Variants in HSPA12A observed in about 807,000 individuals in gnomAD.
The protein encoded by HSPA12A is heat shock 70 kDa protein 12A.
HSPA12A carries 28 observed loss-of-function variants against 69.2 expected under a neutral mutation model. The ratio of observed to expected loss-of-function variants is 0.40; its 90% CI spans 0.30 to 0.55. The LOEUF (loss-of-function observed/expected upper bound fraction) is 0.55, where lower values mean the gene tolerates loss of function less well. HSPA12A is among the 20% of genes least tolerant of loss of function. HSPA12A has a pLI of 0.38. For missense variants in HSPA12A, 686 were observed against 900.7 expected (o/e 0.76, Z 3.05); for synonymous variants, 345 against 370.5 (o/e 0.93, Z 0.79).
rs73387518 is a variant in HSPA12A, at chr10:116,838,528, C to G, written c.4-3506G>C. ...GACAACAGCCACAGGACTGGTTTCA[C>G]TTCTGCATGCCCCTTTTTGGTTTAT... is the stretch of plus-strand genomic sequence containing the variant. On this transcript the variant is annotated intron_variant, in intron 1 of 12. Transcript: ENST00000635765. 3.4e-3 allele frequency among the ~76,000 whole-genome samples: 518 copies of G among 152,316 alleles called. 2 individuals are homozygous for G. Among genetic ancestry groups the G allele is most frequent in the African/African-American group, 0.012 (490 of 41,570 alleles).
At chr10:116,772,384 C>G (rs1230220301) in intron 2 of HSPA12A, among the ~76,000 whole-genome samples, 1 of 152,104 alleles carries the variant, frequency 6.6e-6, no homozygotes, top group African/African-American at 2.4e-5. Context: ...CTCCTGGGAC[C>G]AGCAGGGCTG....
intron 1 of HSPA12A, among the ~76,000 whole-genome samples, chr10:116,708,729 C>T (rs1554882767): frequency 6.6e-6 from 1 of 152,148 alleles, no homozygotes; most frequent in Admixed American, 6.5e-5. Context: ...GGGTAAAGGA[C>T]TTGAATAGAC....
chr10:116,763,703 T>C (rs556323693), intron 2 of HSPA12A, among the ~76,000 whole-genome samples: 64 of 152,286 alleles, frequency 4.2e-4, no homozygotes, highest in South Asian at 1.2e-3. Flanking sequence ...CTCTCCCTCA[T>C]GAACAAAATG....
chr10:116,849,092 G>A (rs892593631), intron 1 of HSPA12A, among the ~76,000 whole-genome samples: 2 of 152,178 alleles, frequency 1.3e-5, no homozygotes, highest in African/African-American at 4.8e-5. Flanking sequence ...CCTGGCACGG[G>A]CGGCCTTAGC....
At chr10:116,834,126 T>C (rs957247481) in intron 2 of HSPA12A, among the ~76,000 whole-genome samples, 1 of 152,184 alleles carries the variant, frequency 6.6e-6, no homozygotes, top group African/African-American at 2.4e-5. Flanking sequence ...AGCAAACACC[T>C]GGCTGAGTTG....
chr10:116,740,676 CTGTGTG>C (rs58266278), intron 1 of HSPA12A, among the ~76,000 whole-genome samples: 16 of 92,224 alleles, frequency 1.7e-4, no homozygotes, highest in African/African-American at 4.3e-4. Context: ...GTGTGTGTGT[CTGTGTG>C]TGTGTGTGTG....
upstream of HSPA12A, among the ~76,000 whole-genome samples, chr10:116,742,906 T>A (rs1399472654): frequency 1.3e-5 from 2 of 151,756 alleles, no homozygotes; most frequent in African/African-American, 4.8e-5. Flanking sequence ...TCTTTGGAAG[T>A]CACCGAATGG....
At chr10:116,702,262 C>A (rs1850099860) in intron 3 of HSPA12A, among the ~76,000 whole-genome samples, 1 of 152,094 alleles carries the variant, frequency 6.6e-6, no homozygotes, top group Admixed American at 6.5e-5. Context: ...CTGTTCCCTG[C>A]CCAACCAGGT....
At chr10:116,778,870 G>C (rs1409338020) in intron 2 of HSPA12A, among the ~76,000 whole-genome samples, 1 of 152,236 alleles carries the variant, frequency 6.6e-6, no homozygotes, top group African/African-American at 2.4e-5. Context: ...AGGACGCTGA[G>C]GCTGCAGTGA....
chr10:116,699,726 T>G (rs1554881355), intron 4 of HSPA12A, among the ~76,000 whole-genome samples: 2 of 152,192 alleles, frequency 1.3e-5, no homozygotes, highest in African/African-American at 4.8e-5. Flanking sequence ...GGTGGTCAAG[T>G]GCCAGGAAAC....
At chr10:116,823,252 C>A (rs1470676330) in intron 2 of HSPA12A, among the ~76,000 whole-genome samples, 2 of 152,144 alleles carry the variant, frequency 1.3e-5, no homozygotes, top group African/African-American at 4.8e-5. Context: ...TTAACAAAAG[C>A]AGTGAAAAAT....
intron 2 of HSPA12A, among the ~76,000 whole-genome samples, chr10:116,757,824 T>A (rs1843884276): frequency 6.6e-6 from 1 of 152,212 alleles, no homozygotes; most frequent in Admixed American, 6.5e-5. Flanking sequence ...TGCTATTGAT[T>A]AGAGACTGAG....
chr10:116,772,216 T>A (rs185402066), intron 2 of HSPA12A, among the ~76,000 whole-genome samples: 151 of 152,200 alleles, frequency 9.9e-4, no homozygotes, highest in African/African-American at 3.5e-3. Context: ...TCAGGGATCA[T>A]CAGTGCTGGG....
intron 1 of HSPA12A, among the ~76,000 whole-genome samples, chr10:116,712,071 C>A (rs1850451267): frequency 6.6e-6 from 1 of 152,128 alleles, no homozygotes; most frequent in African/African-American, 2.4e-5. Context: ...GGGGAACAGA[C>A]CTTTCTGGGA....
Position 116,676,047 on chromosome 10 carries a change from C to T in HSPA12A, c.1390+352G>A, listed in dbSNP as rs76739872. 1.2e-3 allele frequency among the ~76,000 whole-genome samples: 181 copies of T among 152,362 alleles called. 1 individual carries two copies. In the East Asian group the frequency reaches 0.03, roughly 26 times the overall value. ...CCTAGGGCCTGCCACTCTCAGGTAA[C>T]ATTGCCTCAGAGCTTCCAGCTCTCT... is the stretch of plus-strand genomic sequence containing the variant. On this transcript the variant is annotated intron_variant, in intron 11 of 11. Coordinates refer to ENST00000369209, the MANE Select transcript of HSPA12A (RefSeq NM_025015.3).
intron 6 of HSPA12A, among the ~76,000 whole-genome samples, chr10:116,690,465 G>A (rs1554880021): frequency 1.3e-5 from 2 of 152,170 alleles, no homozygotes. Context: ...GCTGTCAATG[G>A]AACAAAGCAA....
intron 2 of HSPA12A, among the ~76,000 whole-genome samples, chr10:116,808,164 G>T (rs1234279765): frequency 1.3e-5 from 2 of 152,140 alleles, no homozygotes; most frequent in African/African-American, 4.8e-5. Flanking sequence ...GAATATAGAA[G>T]AGTTTGGCGA....
chr10:116,778,588 C>T (rs1844392361), intron 2 of HSPA12A, among the ~76,000 whole-genome samples: 1 of 152,158 alleles, frequency 6.6e-6, no homozygotes, highest in Non-Finnish European at 1.5e-5. Flanking sequence ...ATAATTCCCA[C>T]AACCCAAGCC....
intron 2 of HSPA12A, among the ~76,000 whole-genome samples, chr10:116,834,778 C>T (rs2291316): frequency 0.38 from 58,136 of 152,020 alleles, 12,487 homozygotes; most frequent in Non-Finnish European, 0.49. Context: ...TCTGAACAAG[C>T]AGGTTTTGCA....
Sources: gnomAD v4.1 joint callset for allele counts (sites outside exome capture counted in the v4.1 genomes callset) on GRCh38, gnomAD v4.1.1 for gene constraint, MANE v1.5 for transcripts, NCBI Gene and HGNC (gene_info 2026-07-23, HGNC 2026-07-21) for gene names.